The following ZFAT variants were observed in gnomAD, a reference collection of about 807,000 sequenced individuals.
ZFAT encodes the protein zinc finger and AT-hook domain containing.
ZFAT carries 64 observed loss-of-function variants against 117.7 expected under a neutral mutation model. The ratio of observed to expected loss-of-function variants is 0.54; its 90% CI spans 0.44 to 0.67. The LOEUF (loss-of-function observed/expected upper bound fraction) is 0.67. Ranked by LOEUF, ZFAT falls within the 30% of genes least tolerant of loss-of-function variation. The pLI is 0.00. For missense variants in ZFAT, 1,433 were observed against 1,584.5 expected (o/e 0.90, Z 1.62); for synonymous variants, 679 against 615.0 (o/e 1.10, Z -1.54).
chr8:134,600,086 A>G, intron 7 of ZFAT: 1 of 360,736 alleles, frequency 2.8e-6, no homozygotes, highest in South Asian at 2.3e-5. Flanking sequence ...CACGTTCAGT[A>G]GGAGCTATTA....
chr8:134,508,024 T>G (rs893648150), intron 15 of ZFAT, among the ~76,000 whole-genome samples: 1 of 152,200 alleles, frequency 6.6e-6, no homozygotes, highest in African/African-American at 2.4e-5. Flanking sequence ...TATGAATCTT[T>G]TCTCAGCCAA....
chr8:134,536,249 C>T (rs888292361), intron 11 of ZFAT, among the ~76,000 whole-genome samples: 5 of 152,174 alleles, frequency 3.3e-5, no homozygotes, highest in African/African-American at 9.7e-5. Context: ...CTTGACTTGG[C>T]GAAATCTTCC....
the ZFAT span, chr8:134,765,010 T>C: frequency 6.6e-6 from 1 of 152,220 alleles, no homozygotes; most frequent in African/African-American, 2.4e-5. Context: ...GTATGCATCA[T>C]GGATAAATGT....
intron 11 of ZFAT, among the ~76,000 whole-genome samples, chr8:134,543,839 C>T (rs988187390): frequency 2.0e-5 from 3 of 152,180 alleles, no homozygotes; most frequent in African/African-American, 4.8e-5. Context: ...AAGCATAAAT[C>T]GTGGGATGAC....
chr8:134,600,274 G>A (rs1221576197), intron 7 of ZFAT, 162 bp downstream of exon 7: 1 of 704,876 alleles, frequency 1.4e-6, no homozygotes, highest in African/African-American at 1.8e-5. Context: ...GCTGTGAAAG[G>A]AACCTGGGAA....
At chr8:134,811,528 C>G in the ZFAT span, among the ~76,000 whole-genome samples, 1 of 152,152 alleles carries the variant, frequency 6.6e-6, no homozygotes, top group Admixed American at 6.5e-5. Flanking sequence ...ATAGGGGAAA[C>G]AATGTATTTG....
intron 12 of ZFAT, among the ~76,000 whole-genome samples, chr8:134,530,546 C>T (rs932216435): frequency 7.2e-5 from 11 of 152,294 alleles, no homozygotes; most frequent in African/African-American, 2.2e-4. Flanking sequence ...AGCACAACGG[C>T]GCATGGCCTC....
the ZFAT span, among the ~76,000 whole-genome samples, chr8:134,783,429 G>A: frequency 9.9e-5 from 15 of 152,198 alleles, 1 homozygote; most frequent in South Asian, 1.7e-3. Context: ...AGAATCTAAC[G>A]CCTGATGATC....
chr8:134,616,147 G>A (rs1030199883), intron 3 of ZFAT, among the ~76,000 whole-genome samples: 4 of 152,270 alleles, frequency 2.6e-5, no homozygotes, highest in African/African-American at 9.6e-5. Flanking sequence ...CCGCACTCCT[G>A]TACAAGCCAT....
At chr8:134,493,809 C>T (rs1818228587) in intron 15 of ZFAT, among the ~76,000 whole-genome samples, 1 of 152,212 alleles carries the variant, frequency 6.6e-6, no homozygotes, top group Non-Finnish European at 1.5e-5. Context: ...ATATCCCCTC[C>T]ACACCATCAT....
the ZFAT span, among the ~76,000 whole-genome samples, chr8:134,802,424 C>T: frequency 6.6e-6 from 1 of 152,144 alleles, no homozygotes; most frequent in Non-Finnish European, 1.5e-5. Flanking sequence ...TTTATAGGTT[C>T]ACAGTCCATT....
chr8:134,619,884 C>T (rs1449991489), intron 3 of ZFAT, among the ~76,000 whole-genome samples: 2 of 152,204 alleles, frequency 1.3e-5, no homozygotes, highest in Non-Finnish European at 2.9e-5. Flanking sequence ...ATGAGTGGTA[C>T]ACCCAGCATC....
At chr8:134,827,693 G>A in the ZFAT span, among the ~76,000 whole-genome samples, 295 of 151,676 alleles carry the variant, frequency 1.9e-3, 1 homozygote, top group Non-Finnish European at 2.3e-3. Context: ...GCTTGAACCC[G>A]GGAGGCGGAG....
At chr8:134,802,974 CTATG>C in the ZFAT span, among the ~76,000 whole-genome samples, 13 of 152,128 alleles carry the variant, frequency 8.5e-5, no homozygotes, top group Non-Finnish European at 1.6e-4. Context: ...AAGGCTGTAC[CTATG>C]TATTATACTA....
At chr8:134,575,636 G>C (rs972059885) in intron 10 of ZFAT, among the ~76,000 whole-genome samples, 3 of 152,140 alleles carry the variant, frequency 2.0e-5, no homozygotes, top group African/African-American at 7.2e-5. Context: ...GTTACAAATG[G>C]GGATCACTGT....
chr8:134,537,525 A>AG (rs1821930141), intron 11 of ZFAT, among the ~76,000 whole-genome samples: 1 of 152,196 alleles, frequency 6.6e-6, no homozygotes. Context: ...GGGACTTGGC[A>AG]GGGGAGAAGA....
At chr8:134,610,683 G>GTT (rs756375359) in intron 3 of ZFAT, 28 bp from the exon 4 acceptor site, 272 of 1,610,820 alleles carry the variant, frequency 1.7e-4, no homozygotes, top group Non-Finnish European at 2.2e-4. Context: ...AGATGCATAA[G>GTT]GTATCCTTTT....
chr8:134,559,601 C>A (rs908652255), intron 11 of ZFAT, among the ~76,000 whole-genome samples: 3 of 152,226 alleles, frequency 2.0e-5, no homozygotes, highest in African/African-American at 7.2e-5. Context: ...ACAGATTCTG[C>A]CAAACTGACC....
chr8:134,745,618 C>T, the ZFAT span, among the ~76,000 whole-genome samples: 1 of 152,174 alleles, frequency 6.6e-6, no homozygotes, highest in Non-Finnish European at 1.5e-5. Context: ...CAGTGATGTT[C>T]AACATGGGCT....
Sources: gnomAD v4.1 joint callset for allele counts (sites outside exome capture counted in the v4.1 genomes callset) on GRCh38, gnomAD v4.1.1 for gene constraint, MANE v1.5 for transcripts, NCBI Gene and HGNC (gene_info 2026-07-23, HGNC 2026-07-21) for gene names.